SASS6: variants seen among roughly 807,000 people sequenced by gnomAD.
The protein encoded by SASS6 is spindle assembly abnormal protein 6 homolog.
SASS6 carries 59 observed loss-of-function variants against 94.9 expected under a neutral mutation model. The ratio of observed to expected loss-of-function variants is 0.62; its 90% CI spans 0.50 to 0.77. The LOEUF (loss-of-function observed/expected upper bound fraction) is 0.77. Ranked by LOEUF, SASS6 falls within the 30% of genes least tolerant of loss-of-function variation. The probability of loss-of-function intolerance (pLI) is 0.00; values close to 1 mark genes in which losing one functional copy is unlikely to be tolerated. For missense variants in SASS6, 698 were observed against 734.1 expected, an observed-to-expected ratio of 0.95 and a Z score of 0.57; for synonymous variants, 264 against 270.0, an observed-to-expected ratio of 0.98 and a Z score of 0.22.
chr1:100,125,834 G>A (rs1203227915), intron 2 of SASS6, 48 bp downstream of exon 2: 3 of 927,094 alleles, frequency 3.2e-6, no homozygotes, highest in African/African-American at 1.7e-5. Flanking sequence ...AAAACTAATT[G>A]TCTACAATGT....
At chr1:100,096,247 T>C (rs1378186945) in intron 14 of SASS6, among the ~76,000 whole-genome samples, 1 of 152,112 alleles carries the variant, frequency 6.6e-6, no homozygotes, top group Non-Finnish European at 1.5e-5. Context: ...CCTTACATGG[T>C]CAACTGATTT....
In SASS6 at chr1:100,112,936, TC is replaced by T. The variant is rs1653454464; in HGVS notation, c.670-2454del. ...TCACGCACACTAAAGTTTTACATTATCTATTAGCAGGAAGAGAAGTGTTGAC... is the reference window on the plus strand; with the variant it reads ...TCACGCACACTAAAGTTTTACATTATTATTAGCAGGAAGAGAAGTGTTGAC... On this transcript the variant is annotated intron_variant, in intron 7 of 16. Transcript: ENST00000287482. Among the ~76,000 whole-genome samples, 4 of 152,326 alleles carry T rather than the reference TC, an allele frequency of 2.6e-5. No homozygotes were observed. In the South Asian group the frequency reaches 8.3e-4, roughly 32 times the overall value.
chr1:100,130,336 CAGCAGACATT>C (rs1312184706), intron 1 of SASS6, among the ~76,000 whole-genome samples: 1 of 152,158 alleles, frequency 6.6e-6, no homozygotes, highest in Non-Finnish European at 1.5e-5. Context: ...TCCTGAGACA[CAGCAGACATT>C]TGCCAGTATT....
Position 100,109,590 on chromosome 1 carries a change from TAAATA to T in SASS6, c.861+697_861+701del, listed in dbSNP as rs918014626. Among the ~76,000 whole-genome samples the T allele has an allele frequency of 9.2e-5, 14 of 151,882 alleles. No individual in the cohort carries two copies. In the East Asian group the frequency reaches 1.2e-3, roughly 13 times the overall value. On this transcript the variant is annotated intron_variant, in intron 8 of 16. Transcript: ENST00000287482. Reference sequence around the variant, plus strand: ...CATTCTGTACATGTATCCTGGAACTTAAATAAAATAAATAAAATAAAAAATAAAAA... The same window carrying T: ...CATTCTGTACATGTATCCTGGAACTTAAATAAATAAAATAAAAAATAAAAA...
chr1:100,121,087 T>C (rs914126075), intron 5 of SASS6, among the ~76,000 whole-genome samples: 2 of 144,994 alleles, frequency 1.4e-5, no homozygotes, highest in African/African-American at 5.1e-5. Context: ...CTAGATAGGG[T>C]AGCTATTTCC....
At chr1:100,089,529 A>G (rs1452305911) in intron 14 of SASS6, among the ~76,000 whole-genome samples, 4 of 152,170 alleles carry the variant, frequency 2.6e-5, no homozygotes, top group Non-Finnish European at 4.4e-5. Flanking sequence ...TATAAAGGAA[A>G]CATTATATAT....
At chr1:100,112,717 A>G (rs1277840008) in intron 7 of SASS6, among the ~76,000 whole-genome samples, 1 of 152,226 alleles carries the variant, frequency 6.6e-6, no homozygotes, top group African/African-American at 2.4e-5. Context: ...TATAGTCACA[A>G]AATTGGCCTA....
chr1:100,109,949 T>C (rs1047563377), intron 8 of SASS6, among the ~76,000 whole-genome samples: 7 of 151,958 alleles, frequency 4.6e-5, no homozygotes, highest in African/African-American at 7.2e-5. Flanking sequence ...GTTTGATATA[T>C]GTTAAGCAGG....
At chr1:100,105,708 G>C (rs546486036) in intron 13 of SASS6, 59 bp downstream of exon 13, 1 of 1,525,868 alleles carries the variant, frequency 6.6e-7, no homozygotes, top group African/African-American at 1.4e-5. Flanking sequence ...TAACAATCTG[G>C]AAATACTTTT....
In SASS6 at chr1:100,118,902, T is replaced by C. The variant is rs79917429; in HGVS notation, c.669+116A>G. 2.0e-3 allele frequency: 1,107 copies of C among 550,546 alleles called. 12 individuals carry two copies. The African/African-American group carries it at 0.02, about 10-fold the overall frequency. 34.1% of individuals were successfully genotyped at this position (550,546 alleles called of 1,614,324 possible). On this transcript the variant is annotated intron_variant, in intron 7 of 16. Transcript: ENST00000287482. ...TGAAAGAGAGGATTTTTATTTTTAT[T>C]TTATATACTTCTGTAACGTTTGGAA... is the stretch of plus-strand genomic sequence containing the variant.
intron 6 of SASS6, among the ~76,000 whole-genome samples, chr1:100,119,546 G>A (rs1006492191): frequency 6.6e-5 from 10 of 152,204 alleles, no homozygotes; most frequent in Admixed American, 5.9e-4. Context: ...TACCGATATA[G>A]TTAGGATGTC....
At chr1:100,132,683 C>A in intron 1 of SASS6, 67 bp downstream of exon 1, 1 of 1,316,742 alleles carries the variant, frequency 7.6e-7, no homozygotes, top group South Asian at 1.2e-5. Flanking sequence ...CGGGCCAGAA[C>A]CGCCATCTTT....
At chr1:100,126,488 T>C (rs191904201) in intron 1 of SASS6, among the ~76,000 whole-genome samples, 69 of 152,318 alleles carry the variant, frequency 4.5e-4, no homozygotes, top group African/African-American at 1.6e-3. Flanking sequence ...TTTAAAAACT[T>C]AGTATGTGGC....
At chr1:100,094,278 T>C (rs1343185892) in intron 14 of SASS6, among the ~76,000 whole-genome samples, 1 of 151,916 alleles carries the variant, frequency 6.6e-6, no homozygotes, top group Non-Finnish European at 1.5e-5. Context: ...ACCCAAACAT[T>C]CTATAGGTAT....
rs146735776 is a variant in SASS6 at position 100,123,336 on chromosome 1, T to G, written c.127-47A>C. ...TTAAATGTTTTTACTAGATCTGGCC[T>G]TTTGAGTAATTTCTTCTCAGAAGTA... is the stretch of plus-strand genomic sequence containing the variant. On this transcript the variant is annotated intron_variant, in intron 2 of 16. Coordinates refer to ENST00000287482, the MANE Select transcript of SASS6 (RefSeq NM_194292.3). 1,171 of 856,312 alleles carry G rather than the reference T, an allele frequency of 1.4e-3. 4 individuals are homozygous for G. In the African/African-American group the frequency reaches 0.016, roughly 12 times the overall value. The allele number at this position is 856,312 out of a possible 1,614,324, so 53.0% of individuals were successfully genotyped here. A position where few individuals can be genotyped will look rare whatever the true frequency, so the allele number is the denominator to read the frequency against.
At chr1:100,089,669 TAAC>T (rs1557878437) in intron 14 of SASS6, among the ~76,000 whole-genome samples, 1 of 152,012 alleles carries the variant, frequency 6.6e-6, no homozygotes, top group Non-Finnish European at 1.5e-5. Flanking sequence ...GAAGTCAAAA[TAAC>T]AACATTATAA....
intron 1 of SASS6, 38 bp from the exon 2 acceptor site, chr1:100,125,980 A>G (rs1039638822): frequency 9.4e-7 from 1 of 1,059,574 alleles, no homozygotes. Flanking sequence ...AGAAACATTC[A>G]CACGAAATGA....
At chr1:100,124,404 G>A (rs1284462231) in intron 2 of SASS6, among the ~76,000 whole-genome samples, 1 of 152,060 alleles carries the variant, frequency 6.6e-6, no homozygotes, top group Non-Finnish European at 1.5e-5. Flanking sequence ...TTTTTGACAT[G>A]GGGTCTCGCT....
At position 100,122,549 on chromosome 1, in the gene SASS6, CTTTTTTTT is replaced by C. The variant is rs71075469; in HGVS notation, c.207-73_207-66del. 7 of 223,460 alleles carry C rather than the reference CTTTTTTTT, an allele frequency of 3.1e-5. No individual in the cohort carries two copies. In the East Asian group the frequency reaches 8.1e-4, roughly 26 times the overall value. The allele number at this position is 223,460 out of a possible 1,614,324, so 13.8% of individuals were successfully genotyped here. ...AATTAACTTTGTTTTGTTTTGGTGC[CTTTTTTTT>C]TTTTTTTTTTTTTGAGATAGAGGCT... On this transcript the variant is annotated intron_variant, in intron 3 of 16. Transcript: ENST00000287482.
Sources: allele counts gnomAD v4.1 joint callset (sites outside exome capture counted in the v4.1 genomes callset), GRCh38; gene constraint gnomAD v4.1.1; transcripts MANE v1.5; gene names NCBI Gene and HGNC (gene_info 2026-07-23, HGNC 2026-07-21).